Variants in MGAT4C observed in about 807,000 individuals in gnomAD.
MGAT4C encodes the protein alpha-1,3-mannosyl-glycoprotein 4-beta-N-acetylglucosaminyltransferase C.
A neutral mutation model predicts 40.1 loss-of-function variants in MGAT4C; 19 were observed. The observed-to-expected ratio is 0.47, with a 90% confidence interval of 0.33 to 0.70. The LOEUF (loss-of-function observed/expected upper bound fraction) is 0.70. Among genes scored for constraint, MGAT4C ranks in the 30% least tolerant of loss-of-function variants. The pLI is 0.02. For missense variants in MGAT4C, 491 were observed against 563.2 expected (o/e 0.87, Z 1.30); for synonymous variants, 181 against 187.1 (o/e 0.97, Z 0.27).
chr12:86,166,196 T>A (rs1886173032), intron 1 of MGAT4C, among the ~76,000 whole-genome samples: 1 of 152,192 alleles, frequency 6.6e-6, no homozygotes, highest in Non-Finnish European at 1.5e-5. Context: ...TGTAATAAAT[T>A]TAAAATATTT....
At chr12:86,554,208 A>T (rs1003787102) in intron 2 of MGAT4C, among the ~76,000 whole-genome samples, 1 of 151,930 alleles carries the variant, frequency 6.6e-6, no homozygotes, top group Non-Finnish European at 1.5e-5. Context: ...TACATTTCTC[A>T]TATTTCTTAA....
rs1040100228 is a variant in MGAT4C, at chr12:85,971,165, G to T, written c.*8124C>A. ...GATATATATATTCATAAGGATAAAA[G>T]ATATCAAAATAATTAAACAAATTTC... is the stretch of plus-strand genomic sequence containing the variant. On this transcript the variant is annotated 3_prime_UTR_variant, in exon 5 of 5. Transcript: ENST00000611864. 2.6e-5 allele frequency: 4 copies of T among 151,002 alleles called. No individual in the cohort carries two copies. Among genetic ancestry groups the T allele is most frequent in the Admixed American group, 6.6e-5 (1 of 15,104 alleles). 9.4% of individuals were successfully genotyped at this position (151,002 alleles called of 1,614,324 possible).
At chr12:86,289,141 C>T (rs1437767442) in intron 4 of MGAT4C, among the ~76,000 whole-genome samples, 1 of 152,146 alleles carries the variant, frequency 6.6e-6, no homozygotes, top group Non-Finnish European at 1.5e-5. Flanking sequence ...CAAGTTATCC[C>T]AGCACCATTT....
intron 1 of MGAT4C, among the ~76,000 whole-genome samples, chr12:86,145,248 A>G (rs1431220283): frequency 6.6e-6 from 1 of 152,166 alleles, no homozygotes; most frequent in Non-Finnish European, 1.5e-5. Context: ...TCCAACATTA[A>G]CACAGACTTT....
At position 85,971,740 on chromosome 12, in the gene MGAT4C, AAAG is replaced by A. The variant is rs1315971144; in HGVS notation, c.*7546_*7548del. The A allele has an allele frequency of 3.3e-5, 5 of 151,322 alleles. No homozygotes were observed. The highest frequency in any genetic ancestry group is 6.6e-5 in the Admixed American group (1 of 15,156). 9.4% of individuals were successfully genotyped at this position (151,322 alleles called of 1,614,324 possible). The stretch of plus-strand genomic sequence containing the variant: ...TATGGTAATTTGCAATGCTGACAGG[AAAG>A]AAGAACTTGCTTGAGGCAAAATCAT... On this transcript the variant is annotated 3_prime_UTR_variant, in exon 5 of 5. Transcript: ENST00000611864.
In MGAT4C at chr12:86,686,451, A is replaced by T. The variant is rs374965882; in HGVS notation, c.-229+40758T>A. ...GACTCCTTCCAGTTTTTGCCCATTC[A>T]CTATGATATTTGCTCTGGGTTTGTC... On this transcript the variant is annotated intron_variant, in intron 2 of 7. Coordinates refer to the MGAT4C transcript ENST00000548651. Among the ~76,000 whole-genome samples the T allele has an allele frequency of 5.9e-5, 9 of 152,292 alleles. No individual in the cohort carries two copies. In the East Asian group the frequency reaches 1.4e-3, roughly 23 times the overall value.
chr12:86,266,713 ATTAGTTCT>A (rs1952796349), intron 4 of MGAT4C, among the ~76,000 whole-genome samples: 1 of 152,110 alleles, frequency 6.6e-6, no homozygotes, highest in African/African-American at 2.4e-5. Context: ...AAGGATTGCT[ATTAGTTCT>A]TCATACCTTT....
At chr12:86,412,965 G>T (rs1956634948) in intron 3 of MGAT4C, among the ~76,000 whole-genome samples, 1 of 152,072 alleles carries the variant, frequency 6.6e-6, no homozygotes, top group Admixed American at 6.6e-5. Context: ...TTAAAAGTTT[G>T]TAGTACCTCC....
At chr12:86,806,362 A>G (rs1460176752) in intron 1 of MGAT4C, among the ~76,000 whole-genome samples, 1 of 152,016 alleles carries the variant, frequency 6.6e-6, no homozygotes, top group Admixed American at 6.6e-5. Flanking sequence ...ATATTATAAA[A>G]CAACAACTAA....
chr12:86,123,537 G>T, intron 1 of MGAT4C, among the ~76,000 whole-genome samples: 1 of 152,024 alleles, frequency 6.6e-6, no homozygotes, highest in Non-Finnish European at 1.5e-5. Context: ...CTGGAGGATT[G>T]TTAGAATTAA....
At chr12:86,685,474 A>C (rs934187823) in intron 2 of MGAT4C, among the ~76,000 whole-genome samples, 3 of 152,064 alleles carry the variant, frequency 2.0e-5, no homozygotes, top group African/African-American at 7.2e-5. Flanking sequence ...CAGTGCCTCC[A>C]AATTTGTTCT....
At chr12:86,805,951 G>T (rs1320457654) in intron 1 of MGAT4C, among the ~76,000 whole-genome samples, 1 of 151,508 alleles carries the variant, frequency 6.6e-6, no homozygotes, top group East Asian at 1.9e-4. Context: ...GTTTTGATTT[G>T]CATTCTCTGA....
intron 3 of MGAT4C, among the ~76,000 whole-genome samples, chr12:86,413,691 A>G (rs1956650268): frequency 6.6e-6 from 1 of 152,284 alleles, no homozygotes; most frequent in East Asian, 1.9e-4. Context: ...CGGGGGGAAT[A>G]AAGTAGAATG....
chr12:86,602,835 C>T (rs1385701474), intron 2 of MGAT4C, among the ~76,000 whole-genome samples: 1 of 151,920 alleles, frequency 6.6e-6, no homozygotes, highest in African/African-American at 2.4e-5. Flanking sequence ...ATCTCGCCAT[C>T]TGTATGTAAA....
intron 4 of MGAT4C, among the ~76,000 whole-genome samples, chr12:86,296,578 T>C (rs1332609585): frequency 6.6e-6 from 1 of 152,118 alleles, no homozygotes; most frequent in Non-Finnish European, 1.5e-5. Flanking sequence ...CAGCGAGAAA[T>C]CGAGCGCAGC....
At chr12:86,199,464 A>C (rs1478334424) in intron 1 of MGAT4C, among the ~76,000 whole-genome samples, 1 of 152,174 alleles carries the variant, frequency 6.6e-6, no homozygotes, top group Admixed American at 6.5e-5. Flanking sequence ...TTTTAAAAAA[A>C]TTCCAAGTTA....
chr12:86,015,458 A>G (rs548326819), intron 2 of MGAT4C, among the ~76,000 whole-genome samples: 1 of 152,242 alleles, frequency 6.6e-6, no homozygotes, highest in Non-Finnish European at 1.5e-5. Context: ...TCTTGACTGT[A>G]CGGAAGGCAG....
intron 2 of MGAT4C, among the ~76,000 whole-genome samples, chr12:86,672,333 G>A (rs539527354): frequency 2.0e-5 from 3 of 151,716 alleles, no homozygotes; most frequent in Non-Finnish European, 4.4e-5. Context: ...CAAAAAAGAA[G>A]GAAAAACTTC....
intron 2 of MGAT4C, among the ~76,000 whole-genome samples, chr12:86,488,500 T>A (rs1281944587): frequency 3.3e-5 from 5 of 151,890 alleles, no homozygotes; most frequent in African/African-American, 9.7e-5. Context: ...ATACCTACAA[T>A]GTCCTAGATT....
Sources: allele counts gnomAD v4.1 joint callset (sites outside exome capture counted in the v4.1 genomes callset), GRCh38; gene constraint gnomAD v4.1.1; transcripts MANE v1.5; gene names NCBI Gene and HGNC (gene_info 2026-07-23, HGNC 2026-07-21).